Variants in BRD4 observed in about 807,000 individuals in gnomAD.
BRD4 encodes bromodomain-containing protein 4.
BRD4 carries 16 observed loss-of-function variants against 142.1 expected under a neutral mutation model. The ratio of observed to expected loss-of-function variants is 0.11; its 90% CI spans 0.08 to 0.17. BRD4 has a LOEUF of 0.17. Among genes scored for constraint, BRD4 ranks in the 10% least tolerant of loss-of-function variants. The pLI is 1.00. For synonymous variants in BRD4, 833 were observed against 707.5 expected (o/e 1.18, Z -2.82); for missense variants, 1,424 against 1,810.9 (o/e 0.79, Z 3.88).
In BRD4 at chr19:15,239,144, C is replaced by T; in HGVS notation, c.3697G>A (p.Glu1233Lys). 2 of 1,612,014 alleles carry T rather than the reference C, an allele frequency of 1.2e-6. No individual in the cohort carries two copies. The highest frequency in any genetic ancestry group is 2.2e-5 in the South Asian group (2 of 91,002). ...SFEQFRRAAREKEEREKALKA... is the reference protein window; with the variant it reads ...SFEQFRRAARKKEEREKALKA... Reference sequence around the variant, plus strand: ...AGGGCCTTCTCACGCTCCTCTTTCTCCCGAGCGGCGCGGCGGAACTGCTCG... The same window carrying T: ...AGGGCCTTCTCACGCTCCTCTTTCTTCCGAGCGGCGCGGCGGAACTGCTCG... Residue 1233 changes from glutamate (E) to lysine (K), a missense_variant, in exon 18 of 20, where the codon GAG becomes AAG. Around this residue, in one of 16 missense-constraint regions of BRD4, gnomAD observed 49 missense variants for 97.3 expected, o/e 0.50. Transcript: ENST00000679869. The surrounding 1 kb of genome is among the most constrained non-coding windows in gnomAD (Gnocchi z 7.4).
At chr19:15,268,809 C>A in intron 3 of BRD4, 96 bp downstream of exon 3, 2 of 1,437,108 alleles carry the variant, frequency 1.4e-6, no homozygotes, top group Non-Finnish European at 1.9e-6. Context: ...CCCAGCCACA[C>A]CCAACACCCC....
rs1045371678 is a variant in BRD4, at chr19:15,321,450, G to A, written c.-35+10840C>T. ...CAGGCGCCATGCTTGAGGCAAGCCAGTTAAGCATTCCCATTCTGCACATGG... is the reference window on the plus strand; with the variant it reads ...CAGGCGCCATGCTTGAGGCAAGCCAATTAAGCATTCCCATTCTGCACATGG... On this transcript the variant is annotated intron_variant, in intron 1 of 19. Transcript: ENST00000679869. 3.0e-4 allele frequency among the ~76,000 whole-genome samples: 45 copies of A among 151,610 alleles called. 1 individual carries two copies. The highest frequency in any genetic ancestry group is 6.6e-5 in the Admixed American group (1 of 15,158).
At chr19:15,322,335 G>A (rs895137124) in intron 1 of BRD4, among the ~76,000 whole-genome samples, 1 of 151,902 alleles carries the variant, frequency 6.6e-6, no homozygotes, top group Non-Finnish European at 1.5e-5. Flanking sequence ...GCAGTGACAC[G>A]ATCTCGGCTC....
intron 1 of BRD4, among the ~76,000 whole-genome samples, chr19:15,285,860 C>G (rs957491845): frequency 6.6e-6 from 1 of 152,168 alleles, no homozygotes; most frequent in Non-Finnish European, 1.5e-5. Context: ...CGAAGCACAG[C>G]AGGAGAGACA....
chr19:15,265,681 C>T (rs1471545218), intron 4 of BRD4, 38 bp from the exon 5 acceptor site: 1 of 1,609,718 alleles, frequency 6.2e-7, no homozygotes, highest in Non-Finnish European at 8.5e-7. Flanking sequence ...AGAGACCATG[C>T]TGACATCCAC....
intron 1 of BRD4, among the ~76,000 whole-genome samples, chr19:15,309,323 G>C (rs1212525750): frequency 8.1e-6 from 1 of 123,044 alleles, no homozygotes; most frequent in Non-Finnish European, 1.6e-5. Context: ...GGGCGACAGA[G>C]CAAGACTCCA....
chr19:15,274,893 G>A (rs1289199762), intron 1 of BRD4, among the ~76,000 whole-genome samples: 1 of 151,460 alleles, frequency 6.6e-6, no homozygotes, highest in East Asian at 1.9e-4. Flanking sequence ...TTGGAGACAG[G>A]GTCTGTCGCC....
chr19:15,268,832 C>A, intron 3 of BRD4, 73 bp downstream of exon 3: 1 of 1,566,884 alleles, frequency 6.4e-7, no homozygotes, highest in Non-Finnish European at 8.7e-7. Context: ...CCCACGGGCT[C>A]CTGACATGCC....
At chr19:15,264,992 T>C (rs1238769768) in intron 5 of BRD4, among the ~76,000 whole-genome samples, 2 of 152,220 alleles carry the variant, frequency 1.3e-5, no homozygotes, top group African/African-American at 4.8e-5. Flanking sequence ...AGCATAAAAC[T>C]GTGTGCTCAC....
Position 15,279,216 on chromosome 19 carries a change from C to T in BRD4, c.-34-6083G>A, listed in dbSNP as rs550890639. Among the ~76,000 whole-genome samples, 77 of 152,308 alleles carry T rather than the reference C, an allele frequency of 5.1e-4. 1 individual carries two copies. The East Asian group carries it at 0.012, about 24-fold the overall frequency. ...ATTTTGGGAAAATATTAGGGATAGACAGTACTTAACAGAGAACACAACTGT... is the reference window on the plus strand; with the variant it reads ...ATTTTGGGAAAATATTAGGGATAGATAGTACTTAACAGAGAACACAACTGT... On this transcript the variant is annotated intron_variant, in intron 1 of 19. Coordinates refer to ENST00000679869, the MANE Select transcript of BRD4 (RefSeq NM_001379291.1).
At chr19:15,250,834 C>T (rs2047336053) in intron 11 of BRD4, among the ~76,000 whole-genome samples, 1 of 152,332 alleles carries the variant, frequency 6.6e-6, no homozygotes, top group South Asian at 2.1e-4. Flanking sequence ...AACCCCAGTG[C>T]TAATGACAGC....
chr19:15,332,129 C>T (rs959356263), intron 1 of BRD4, among the ~76,000 whole-genome samples, 161 bp downstream of exon 1: 2 of 146,490 alleles, frequency 1.4e-5, no homozygotes, highest in African/African-American at 2.5e-5. Context: ...GCCCGCAGGC[C>T]CGAGCCCGCG....
At chr19:15,298,815 T>C (rs1313735204) in intron 1 of BRD4, among the ~76,000 whole-genome samples, 1 of 151,976 alleles carries the variant, frequency 6.6e-6, no homozygotes, top group Non-Finnish European at 1.5e-5. Flanking sequence ...TGCCCAATCA[T>C]TCAAATATCA....
At position 15,243,343 on chromosome 19, in the gene BRD4, G is replaced by A. The variant is rs765163167; in HGVS notation, c.2726C>T (p.Pro909Leu). 4 of 1,465,240 alleles carry A rather than the reference G, an allele frequency of 2.7e-6. No homozygotes were observed. The highest frequency in any genetic ancestry group is 3.6e-6 in the Non-Finnish European group (4 of 1,105,856). The allele number at this position is 1,465,240 out of a possible 1,614,324, so 90.8% of individuals were successfully genotyped here. The change falls in exon 14 of 20, where the codon CCC (proline) becomes CTC (leucine). Residue 909 changes from proline (P) to leucine (L), a missense_variant. Pro to Leu is a moderately conservative substitution (Grantham distance 98). Coordinates refer to ENST00000679869, the MANE Select transcript of BRD4 (RefSeq NM_001379291.1). ...LLPQPPMAQPPQVLLEDEEPP... is the reference protein window; with the variant it reads ...LLPQPPMAQPLQVLLEDEEPP... ...CTCTTCATCCTCCAGCAGCACTTGG[G>A]GGGGTTGGGCCATGGGGGGCTGTGG... is the stretch of plus-strand genomic sequence containing the variant.
At chr19:15,284,684 T>C (rs566994068) in intron 1 of BRD4, among the ~76,000 whole-genome samples, 6 of 152,250 alleles carry the variant, frequency 3.9e-5, no homozygotes, top group Non-Finnish European at 7.4e-5. Flanking sequence ...TCTACTTCTG[T>C]CCAGACAACT....
chr19:15,254,111 G>A (rs202090818), intron 11 of BRD4, 41 bp downstream of exon 11: 8 of 1,545,926 alleles, frequency 5.2e-6, no homozygotes, highest in Non-Finnish European at 7.1e-6. Context: ...GGCACAGGTG[G>A]GAAGAGTTTG....
intron 1 of BRD4, among the ~76,000 whole-genome samples, chr19:15,286,198 G>A (rs1330998884): frequency 2.0e-5 from 3 of 152,142 alleles, no homozygotes; most frequent in Non-Finnish European, 2.9e-5. Context: ...ACACAAATCA[G>A]TCCAGTCCCC....
chr19:15,330,750 G>C (rs1568415858), intron 1 of BRD4, among the ~76,000 whole-genome samples: 3 of 152,182 alleles, frequency 2.0e-5, no homozygotes, highest in African/African-American at 7.2e-5. Context: ...CTGGGCGACA[G>C]AGCGAGACTC....
intron 1 of BRD4, among the ~76,000 whole-genome samples, chr19:15,329,496 T>A (rs1176644216): frequency 6.6e-6 from 1 of 152,106 alleles, no homozygotes; most frequent in Admixed American, 6.6e-5. Context: ...AACCCAGTAC[T>A]TTGGGAGGCC....
Sources: gnomAD v4.1 joint callset for allele counts (sites outside exome capture counted in the v4.1 genomes callset) on GRCh38, gnomAD v4.1.1 for gene constraint, gnomAD v4.1.1 regional missense constraint, Gnocchi (gnomAD v3.1) non-coding constraint, MANE v1.5 for transcripts, NCBI Gene and HGNC (gene_info 2026-07-23, HGNC 2026-07-21) for gene names.